ADGRD1: variants seen among roughly 807,000 people sequenced by gnomAD.
ADGRD1 encodes the protein adhesion G protein-coupled receptor D1, also known as G-protein coupled receptor 133.
Under a neutral mutation model 113.4 loss-of-function variants are expected in ADGRD1, and 77 were observed. That is an observed-to-expected ratio of 0.68 (90% confidence interval 0.57 to 0.82). The LOEUF is 0.82. ADGRD1 is among the 40% of genes least tolerant of loss of function. The pLI, the probability that ADGRD1 is intolerant of heterozygous loss-of-function variation, is 0.00. For synonymous variants in ADGRD1, 474 were observed against 475.0 expected, an observed-to-expected ratio of 1.00 and a Z score of 0.03; for missense variants, 1,036 against 1,139.1, an observed-to-expected ratio of 0.91 and a Z score of 1.30.
intron 8 of ADGRD1, chr12:130,994,394 C>T (rs796950650): frequency 7.3e-6 from 2 of 273,762 alleles, no homozygotes; most frequent in South Asian, 6.3e-5. Context: ...CACTAGTGCC[C>T]TGCCTGTAGC....
chr12:131,084,463 G>A lies in ADGRD1; in HGVS notation c.1548-77G>A. On this transcript the variant is annotated intron_variant, in intron 14 of 24. Transcript: ENST00000261654. The surrounding 1 kb of genome is among the most constrained non-coding windows in gnomAD (Gnocchi z 4.5). The stretch of plus-strand genomic sequence containing the variant: ...ATGAGTTCACGGGGCCATGTGTTAT[G>A]GGGGGTGCTGCTCTCAGTCCCCTGC... The A allele has an allele frequency of 2.0e-6, 3 of 1,523,612 alleles. No homozygotes were observed. The highest frequency in any genetic ancestry group is 2.7e-6 in the Non-Finnish European group (3 of 1,103,336). The allele number at this position is 1,523,612 out of a possible 1,614,324, so 94.4% of individuals were successfully genotyped here.
chr12:131,065,279 A>C (rs879720963), intron 13 of ADGRD1, among the ~76,000 whole-genome samples: 6 of 152,204 alleles, frequency 3.9e-5, no homozygotes, highest in Admixed American at 3.9e-4. Context: ...GCGATTGACC[A>C]GAGTGAAAAC....
chr12:131,000,443 G>A lies in ADGRD1; in HGVS notation c.1026+1G>A. 1 of 1,611,298 alleles carries A rather than the reference G, an allele frequency of 6.2e-7. No homozygotes were observed. Among genetic ancestry groups the A allele is most frequent in the Non-Finnish European group, 8.5e-7 (1 of 1,178,308 alleles). ...GCCTGGTTGGATTGCTCTGTCAGAG[G>A]TAAGAGAAAAGAACATGGTCGGTCA... On this transcript the variant is annotated splice_donor_variant, in intron 9 of 24. Coordinates refer to ENST00000261654, the MANE Select transcript of ADGRD1 (RefSeq NM_198827.5). LOFTEE classifies it high-confidence loss of function.
chr12:130,998,723 C>T (rs147183526), intron 8 of ADGRD1, among the ~76,000 whole-genome samples: 281 of 152,252 alleles, frequency 1.8e-3, no homozygotes, highest in African/African-American at 6.5e-3. Flanking sequence ...TCTCAGCCTC[C>T]CAAAGTGCTG....
chr12:131,002,572 C>T, intron 9 of ADGRD1: 1 of 1,043,346 alleles, frequency 9.6e-7, no homozygotes, highest in Non-Finnish European at 1.2e-6. Flanking sequence ...GAGGCCTCTC[C>T]CCTGGTGATG....
chr12:131,122,793 T>C lies in ADGRD1; in HGVS notation c.2175+1880T>C, dbSNP rs376127545. ...ATCTGGCTTTCATGTCTGACCGTGGTCAGTGACAGCTGGGGTTCCGAGGTG... is the reference window on the plus strand; with the variant it reads ...ATCTGGCTTTCATGTCTGACCGTGGCCAGTGACAGCTGGGGTTCCGAGGTG... On this transcript the variant is annotated intron_variant, in intron 20 of 24. Coordinates refer to ENST00000261654, the MANE Select transcript of ADGRD1 (RefSeq NM_198827.5). Among the ~76,000 whole-genome samples the C allele has an allele frequency of 6.6e-5, 10 of 152,296 alleles. No individual in the cohort carries two copies. The East Asian group carries it at 1.9e-3, about 30-fold the overall frequency.
intron 13 of ADGRD1, among the ~76,000 whole-genome samples, chr12:131,029,111 T>C (rs1006946978): frequency 6.6e-6 from 1 of 152,256 alleles, no homozygotes; most frequent in Non-Finnish European, 1.5e-5. Flanking sequence ...TTTTTCTTTA[T>C]GTTGTAACCA....
intron 14 of ADGRD1, among the ~76,000 whole-genome samples, chr12:131,079,704 G>GT (rs1885920068): frequency 6.6e-6 from 1 of 152,076 alleles, no homozygotes; most frequent in Admixed American, 6.5e-5. Context: ...AGTTCAAGCA[G>GT]TTTATGTTTT....
intron 8 of ADGRD1, among the ~76,000 whole-genome samples, chr12:130,997,036 G>A (rs1462755345): frequency 7.4e-5 from 10 of 135,178 alleles, no homozygotes; most frequent in Non-Finnish European, 9.7e-5. Flanking sequence ...CCTCCCGGAC[G>A]GGGCGGCTGG....
At chr12:131,138,796 G>A (rs938924412) in intron 24 of ADGRD1, among the ~76,000 whole-genome samples, 4 of 152,246 alleles carry the variant, frequency 2.6e-5, no homozygotes, top group African/African-American at 4.8e-5. Context: ...CTAGCCCCAC[G>A]GCTACAGCTG....
At chr12:131,033,351 C>A (rs1055555485) in intron 13 of ADGRD1, among the ~76,000 whole-genome samples, 1 of 152,236 alleles carries the variant, frequency 6.6e-6, no homozygotes, top group African/African-American at 2.4e-5. Flanking sequence ...CCATCATGCA[C>A]CCCACAAGCA....
At chr12:131,037,907 G>A (rs570112377) in intron 13 of ADGRD1, among the ~76,000 whole-genome samples, 56 of 141,690 alleles carry the variant, frequency 4.0e-4, no homozygotes, top group African/African-American at 1.5e-3. Flanking sequence ...TCACCACACC[G>A]GGTCTCACTG....
At chr12:130,993,241 G>C (rs543637198) in intron 8 of ADGRD1, among the ~76,000 whole-genome samples, 1 of 151,970 alleles carries the variant, frequency 6.6e-6, no homozygotes, top group African/African-American at 2.4e-5. Flanking sequence ...AATTCTTACT[G>C]ATTTCCTTGC....
At chr12:130,996,271 C>T (rs1439780282) in intron 8 of ADGRD1, among the ~76,000 whole-genome samples, 4 of 144,976 alleles carry the variant, frequency 2.8e-5, no homozygotes, top group Non-Finnish European at 3.0e-5. Flanking sequence ...CATCCTGGCC[C>T]GTTCTCAATG....
chr12:131,086,122 C>G (rs1886447364), intron 15 of ADGRD1, among the ~76,000 whole-genome samples: 1 of 152,178 alleles, frequency 6.6e-6, no homozygotes, highest in Non-Finnish European at 1.5e-5. Flanking sequence ...TCACATTTAT[C>G]AAGGCTGTGG....
intron 13 of ADGRD1, among the ~76,000 whole-genome samples, chr12:131,019,300 G>T (rs1879020554): frequency 6.6e-6 from 1 of 152,126 alleles, no homozygotes. Context: ...GGTCTCCAGG[G>T]TGCCTCACCC....
In ADGRD1 at chr12:131,060,673, C is replaced by T. The variant is rs973140541; in HGVS notation, c.1474-16128C>T. Among the ~76,000 whole-genome samples, 5 of 152,204 alleles carry T rather than the reference C, an allele frequency of 3.3e-5. No individual in the cohort carries two copies. Among genetic ancestry groups the T allele is most frequent in the Non-Finnish European group, 5.9e-5 (4 of 68,038 alleles). On this transcript the variant is annotated intron_variant, in intron 13 of 24. Transcript: ENST00000261654. The surrounding 1 kb of genome is among the most constrained non-coding windows in gnomAD (Gnocchi z 4.4). ...GTCCAACAACATCAGAGTCAGTTAC[C>T]CCTGCCTGTGACACCTGATGGTTCT...
At chr12:131,104,530 G>A (rs1950182282) in intron 15 of ADGRD1, among the ~76,000 whole-genome samples, 1 of 152,138 alleles carries the variant, frequency 6.6e-6, no homozygotes, top group Non-Finnish European at 1.5e-5. Flanking sequence ...TTGCAGTGTA[G>A]ACAGGAGGCT....
intron 8 of ADGRD1, among the ~76,000 whole-genome samples, chr12:130,995,594 A>G (rs577104380): frequency 6.0e-4 from 92 of 152,324 alleles, no homozygotes; most frequent in African/African-American, 2.0e-3. Context: ...CCTCCTCTGC[A>G]GCCAGCAGTT....
Sources: gnomAD v4.1 joint callset for allele counts (sites outside exome capture counted in the v4.1 genomes callset) on GRCh38, gnomAD v4.1.1 for gene constraint, Gnocchi (gnomAD v3.1) non-coding constraint, MANE v1.5 for transcripts, NCBI Gene and HGNC (gene_info 2026-07-23, HGNC 2026-07-21) for gene names.